Variants in PKNOX2 observed in about 807,000 individuals in gnomAD.
PKNOX2 encodes the protein homeobox protein PKNOX2.
Under a neutral mutation model 53.1 loss-of-function variants are expected in PKNOX2, and 14 were observed. The ratio of observed to expected loss-of-function variants is 0.26; its 90% CI spans 0.17 to 0.41. PKNOX2 has a LOEUF of 0.41. Among genes scored for constraint, PKNOX2 ranks in the 10% least tolerant of loss-of-function variants. The pLI, the probability that PKNOX2 is intolerant of heterozygous loss-of-function variation, is 1.00. For synonymous variants in PKNOX2, 257 were observed against 242.8 expected (o/e 1.06, Z -0.54); for missense variants, 496 against 602.8 (o/e 0.82, Z 1.85).
chr11:125,206,196 G>A (rs1012981911), intron 1 of PKNOX2, among the ~76,000 whole-genome samples: 10 of 151,974 alleles, frequency 6.6e-5, no homozygotes, highest in Non-Finnish European at 8.8e-5. Context: ...GCGGTGGGGG[G>A]GAGAACCGAG....
chr11:125,296,323 C>T (rs2135935291), intron 2 of PKNOX2, among the ~76,000 whole-genome samples: 1 of 152,312 alleles, frequency 6.6e-6, no homozygotes, highest in South Asian at 2.1e-4. Flanking sequence ...AGTCTGCCGG[C>T]TCTACCCAAT....
chr11:125,280,083 T>C (rs1213682774), intron 2 of PKNOX2, among the ~76,000 whole-genome samples: 2 of 149,906 alleles, frequency 1.3e-5, no homozygotes, highest in African/African-American at 4.9e-5. Context: ...TTTAAGTCCC[T>C]GATAAAGGAT....
chr11:125,414,199 T>C (rs1420541216), intron 10 of PKNOX2, among the ~76,000 whole-genome samples: 4 of 151,950 alleles, frequency 2.6e-5, no homozygotes, highest in Non-Finnish European at 4.4e-5. Context: ...AGAGAGGAAG[T>C]AGTAGCTGAG....
chr11:125,365,790 T>A (rs531161108), intron 4 of PKNOX2, among the ~76,000 whole-genome samples: 1 of 152,324 alleles, frequency 6.6e-6, no homozygotes, highest in Non-Finnish European at 1.5e-5. Context: ...TGCCAGGCTC[T>A]CATGGAAAAT....
intron 7 of PKNOX2, among the ~76,000 whole-genome samples, chr11:125,405,714 TC>T (rs1591559600): frequency 6.6e-6 from 1 of 152,144 alleles, no homozygotes; most frequent in African/African-American, 2.4e-5. Flanking sequence ...TCTCTGCCAT[TC>T]CAAACCCAAA....
intron 7 of PKNOX2, among the ~76,000 whole-genome samples, chr11:125,401,685 G>C (rs543149860): frequency 2.6e-5 from 4 of 152,266 alleles, no homozygotes; most frequent in Admixed American, 2.6e-4. Flanking sequence ...TAAGAATCGG[G>C]GACCGAGACT....
chr11:125,183,775 C>T (rs1297172220), intron 1 of PKNOX2, among the ~76,000 whole-genome samples: 7 of 151,968 alleles, frequency 4.6e-5, no homozygotes, highest in Admixed American at 4.6e-4. Flanking sequence ...CTGGATTAGC[C>T]ACTACAGTTG....
At chr11:125,212,496 C>T (rs1463235012) in intron 1 of PKNOX2, among the ~76,000 whole-genome samples, 5 of 147,218 alleles carry the variant, frequency 3.4e-5, no homozygotes, top group Admixed American at 2.0e-4. Context: ...GCTCTGTTGC[C>T]CAGGGTGGAG....
Position 125,238,228 on chromosome 11 carries a change from A to T in PKNOX2, c.-130+3113A>T, listed in dbSNP as rs189017297. 4.0e-3 allele frequency among the ~76,000 whole-genome samples: 605 copies of T among 152,322 alleles called. 3 individuals carry two copies. Among genetic ancestry groups the T allele is most frequent in the African/African-American group, 0.014 (568 of 41,578 alleles). On this transcript the variant is annotated intron_variant, in intron 2 of 12. Transcript: ENST00000298282. ...ACCAGCCCGTATCCCCAAAGGGCTGAGAGCTGAGAATGGCTAACACCAAAG... is the reference window on the plus strand; with the variant it reads ...ACCAGCCCGTATCCCCAAAGGGCTGTGAGCTGAGAATGGCTAACACCAAAG...
intron 1 of PKNOX2, among the ~76,000 whole-genome samples, chr11:125,198,411 A>T (rs1938010590): frequency 1.3e-5 from 2 of 152,164 alleles, no homozygotes. Flanking sequence ...TCCCCTCTTT[A>T]CCTGAGGGTA....
At chr11:125,419,452 G>A (rs75896541) in intron 10 of PKNOX2, among the ~76,000 whole-genome samples, 265 of 137,602 alleles carry the variant, frequency 1.9e-3, no homozygotes, top group East Asian at 2.4e-3. Flanking sequence ...GAAAAAAAAA[G>A]AAAAAAAAAA....
chr11:125,267,371 G>A (rs1945438055), intron 2 of PKNOX2, among the ~76,000 whole-genome samples: 1 of 152,200 alleles, frequency 6.6e-6, no homozygotes, highest in Non-Finnish European at 1.5e-5. Flanking sequence ...GTAGAGGGAG[G>A]AGCTATCATG....
chr11:125,254,203 G>GA (rs777782363), intron 2 of PKNOX2, among the ~76,000 whole-genome samples: 6 of 152,060 alleles, frequency 3.9e-5, no homozygotes, highest in African/African-American at 7.2e-5. Flanking sequence ...TTTTTACAAA[G>GA]AAAAAAATGT....
rs750944288 is a variant in PKNOX2 at position 125,431,249 on chromosome 11, G to C, written c.1276G>C (p.Asp426His). ...AMQQAMMAAH[D>H]DSLDGTEEED... ...GCAGCAGGCTATGATGGCTGCACAC[G>C]ATGACTCATTGGATGGGACAGAAGA... The change falls in exon 13 of 13, where the codon GAT (aspartate) becomes CAT (histidine). Residue 426 changes from aspartate to histidine, a missense_variant. Physicochemically the swap from Asp to His is moderately conservative, Grantham distance 81 (BLOSUM62 -1). Around this residue, in one of 5 missense-constraint regions of PKNOX2, gnomAD observed 139 missense variants for 161.3 expected, o/e 0.86. Coordinates refer to ENST00000298282, the MANE Select transcript of PKNOX2 (RefSeq NM_001382323.2). 1 of 1,613,688 alleles carries C rather than the reference G, an allele frequency of 6.2e-7. No individual in the cohort carries two copies. Among genetic ancestry groups the C allele is most frequent in the Admixed American group, 1.7e-5 (1 of 59,998 alleles).
intron 2 of PKNOX2, among the ~76,000 whole-genome samples, chr11:125,310,506 T>A (rs911456894): frequency 6.6e-5 from 10 of 150,796 alleles, no homozygotes; most frequent in Admixed American, 6.6e-4. Context: ...AAAAAAAAAA[T>A]AATAAAAATA....
chr11:125,385,797 A>G, intron 6 of PKNOX2, 75 bp downstream of exon 6: 2 of 1,511,520 alleles, frequency 1.3e-6, no homozygotes, highest in Non-Finnish European at 1.8e-6. Flanking sequence ...CCTAGAAATG[A>G]TCCTTTCATT....
At chr11:125,200,889 A>G (rs922675259) in intron 1 of PKNOX2, among the ~76,000 whole-genome samples, 1 of 151,690 alleles carries the variant, frequency 6.6e-6, no homozygotes, top group African/African-American at 2.4e-5. Context: ...TTCCAAAGGG[A>G]CTCCCCCTCT....
chr11:125,198,341 C>T (rs570375002), intron 1 of PKNOX2, among the ~76,000 whole-genome samples: 5 of 152,262 alleles, frequency 3.3e-5, no homozygotes, highest in South Asian at 4.1e-4. Context: ...GGCCAGAAGG[C>T]GAAGGTGGGG....
chr11:125,359,834 G>A (rs968049868), intron 4 of PKNOX2, among the ~76,000 whole-genome samples: 1 of 152,234 alleles, frequency 6.6e-6, no homozygotes, highest in Admixed American at 6.5e-5. Context: ...CACCTACTCT[G>A]CCATGTCAGG....
Sources: allele counts gnomAD v4.1 joint callset (sites outside exome capture counted in the v4.1 genomes callset), GRCh38; gene constraint gnomAD v4.1.1; regional missense constraint gnomAD v4.1.1; transcripts MANE v1.5; gene names NCBI Gene and HGNC (gene_info 2026-07-23, HGNC 2026-07-21).